GRIP1: variants seen among roughly 807,000 people sequenced by gnomAD.
GRIP1 encodes the protein glutamate receptor interacting protein 1.
A neutral mutation model predicts 129.9 loss-of-function variants in GRIP1; 45 were observed. That is an observed-to-expected ratio of 0.35 (90% CI 0.27 to 0.44). The LOEUF is 0.44. GRIP1 is among the 20% of genes least tolerant of loss of function. The probability of loss-of-function intolerance (pLI) is 1.00; values close to 1 mark genes in which losing one functional copy is unlikely to be tolerated. For synonymous variants in GRIP1, 530 were observed against 520.8 expected (o/e 1.02, Z -0.24); for missense variants, 1,196 against 1,396.8 (o/e 0.86, Z 2.29).
intron 1 of GRIP1, among the ~76,000 whole-genome samples, chr12:66,658,516 G>T (rs1202875335): frequency 6.6e-6 from 1 of 151,932 alleles, no homozygotes; most frequent in Non-Finnish European, 1.5e-5. Context: ...GGGAGGTGGA[G>T]CTTGTAGTGA....
At chr12:66,739,888 G>A (rs994088184) in intron 1 of GRIP1, among the ~76,000 whole-genome samples, 2 of 152,084 alleles carry the variant, frequency 1.3e-5, no homozygotes, top group African/African-American at 4.8e-5. Flanking sequence ...GTCTGTTGAG[G>A]CTCAGTCCTC....
intron 1 of GRIP1, among the ~76,000 whole-genome samples, chr12:66,621,750 C>T (rs184786660): frequency 6.6e-6 from 1 of 152,126 alleles, no homozygotes; most frequent in African/African-American, 2.4e-5. Context: ...CACATTCCTG[C>T]TAATACTTGC....
At chr12:66,451,443 G>A (rs1254074318) in intron 11 of GRIP1, among the ~76,000 whole-genome samples, 1 of 105,962 alleles carries the variant, frequency 9.4e-6, no homozygotes, top group African/African-American at 3.6e-5. Flanking sequence ...TCACTCTGTT[G>A]CCCAGGCTGG....
intron 2 of GRIP1, among the ~76,000 whole-genome samples, chr12:66,579,801 G>A (rs924124481): frequency 6.2e-4 from 94 of 151,480 alleles, no homozygotes; most frequent in African/African-American, 1.9e-3. Context: ...TGAAAGTGAC[G>A]GGGAGAATGG....
chr12:66,647,075 C>A (rs2032429809), intron 1 of GRIP1, among the ~76,000 whole-genome samples: 1 of 152,198 alleles, frequency 6.6e-6, no homozygotes, highest in Non-Finnish European at 1.5e-5. Flanking sequence ...AGGCTGAACT[C>A]CAGCTGTGGA....
At chr12:66,354,450 A>G (rs1036978252) in intron 23 of GRIP1, among the ~76,000 whole-genome samples, 7 of 152,258 alleles carry the variant, frequency 4.6e-5, no homozygotes, top group South Asian at 2.1e-4. Context: ...TTCCAGAGGC[A>G]CACACATGAA....
intron 1 of GRIP1, among the ~76,000 whole-genome samples, chr12:66,871,634 T>C (rs895063266): frequency 1.3e-5 from 2 of 152,096 alleles, no homozygotes; most frequent in African/African-American, 2.4e-5. Context: ...TTCAAGATCA[T>C]ACTGGGCCAA....
Position 66,999,303 on chromosome 12 carries a change from G to A in GRIP1, c.58+69747C>T, listed in dbSNP as rs565565986. 1.3e-3 allele frequency among the ~76,000 whole-genome samples: 203 copies of A among 152,192 alleles called. 1 individual carries two copies. Among genetic ancestry groups the A allele is most frequent in the Middle Eastern group, 3.4e-3 (1 of 294 alleles). ...TAGCCCAAAATAACTAAGACCCAGG[G>A]AAGTTATGCAACTTGCCCAAGGCCA... On this transcript the variant is annotated intron_variant, in intron 1 of 1. Transcript: ENST00000643019.
intron 1 of GRIP1, among the ~76,000 whole-genome samples, chr12:66,831,325 A>T (rs1185983409): frequency 1.3e-5 from 2 of 152,196 alleles, no homozygotes; most frequent in African/African-American, 4.8e-5. Context: ...ATTTATTCAC[A>T]TTAGCATTAT....
chr12:66,797,934 A>G (rs1431703905), intron 1 of GRIP1, among the ~76,000 whole-genome samples: 1 of 152,198 alleles, frequency 6.6e-6, no homozygotes, highest in African/African-American at 2.4e-5. Context: ...AAATCACTAA[A>G]GACTAAAACG....
chr12:66,500,633 A>G (rs1266415409), intron 7 of GRIP1, among the ~76,000 whole-genome samples: 2 of 152,204 alleles, frequency 1.3e-5, no homozygotes, highest in Non-Finnish European at 2.9e-5. Context: ...CTTGTTCTTA[A>G]GTAAAATAAT....
intron 7 of GRIP1, among the ~76,000 whole-genome samples, chr12:66,510,528 C>T (rs2060666990): frequency 6.6e-6 from 1 of 152,204 alleles, no homozygotes; most frequent in Admixed American, 6.5e-5. Flanking sequence ...GCATCTCAGA[C>T]TTAGCATATC....
chr12:66,494,803 C>T (rs1262550918), intron 7 of GRIP1, among the ~76,000 whole-genome samples: 1 of 152,026 alleles, frequency 6.6e-6, no homozygotes, highest in East Asian at 1.9e-4. Context: ...ATCGCTTGAG[C>T]CCAAGAGTTT....
intron 7 of GRIP1, among the ~76,000 whole-genome samples, chr12:66,479,161 T>C (rs2059722521): frequency 6.7e-6 from 1 of 150,290 alleles, no homozygotes; most frequent in South Asian, 2.1e-4. Flanking sequence ...ACAAAATAGA[T>C]AGACCACTAG....
chr12:66,681,100 T>G (rs1432846390), upstream of GRIP1, among the ~76,000 whole-genome samples: 2 of 152,082 alleles, frequency 1.3e-5, no homozygotes, highest in Non-Finnish European at 2.9e-5. Context: ...GAGCCCAAAC[T>G]AGGGGATTGT....
chr12:66,372,455 A>G (rs920861590), intron 22 of GRIP1: 20 of 173,324 alleles, frequency 1.2e-4, no homozygotes, highest in South Asian at 1.4e-4. Context: ...TCTAGACTGT[A>G]TATTGTCTTT....
At chr12:66,590,581 T>A (rs1041789443) in intron 2 of GRIP1, among the ~76,000 whole-genome samples, 2 of 152,196 alleles carry the variant, frequency 1.3e-5, no homozygotes, top group African/African-American at 2.4e-5. Context: ...TTTCCTCATA[T>A]TTTTTAGCAC....
chr12:66,495,018 G>A lies in GRIP1; in HGVS notation c.724+20601C>T, dbSNP rs2060197742. Among the ~76,000 whole-genome samples, 2 of 152,144 alleles carry A rather than the reference G, an allele frequency of 1.3e-5. 1 individual carries two copies. The highest frequency in any genetic ancestry group is 2.9e-5 in the Non-Finnish European group (2 of 68,034). On this transcript the variant is annotated intron_variant, in intron 7 of 24. Coordinates refer to ENST00000359742, the MANE Select transcript of GRIP1 (RefSeq NM_001366722.1). ...TATTAGAGTTAATACAATGTGTAAG[G>A]TACCTTGTACGATGCTTGTCGATAC...
intron 1 of GRIP1, among the ~76,000 whole-genome samples, chr12:66,723,271 CCTTCCTTCCTTCCTTT>C (rs1251273206): frequency 1.9e-4 from 2 of 10,556 alleles, no homozygotes; most frequent in South Asian, 5.0e-3. Flanking sequence ...TTCCTTCCTT[CCTTCCTTCCTTCCTTT>C]CTTTCTTTCT....
Sources: gnomAD v4.1 joint callset for allele counts (sites outside exome capture counted in the v4.1 genomes callset) on GRCh38, gnomAD v4.1.1 for gene constraint, MANE v1.5 for transcripts, NCBI Gene and HGNC (gene_info 2026-07-23, HGNC 2026-07-21) for gene names.